DRD3: variants seen among roughly 807,000 people sequenced by gnomAD.
The protein encoded by DRD3 is dopamine receptor D3.
Under a neutral mutation model 36.3 loss-of-function variants are expected in DRD3, and 19 were observed. The ratio of observed to expected loss-of-function variants is 0.52; its 90% CI spans 0.36 to 0.77. The LOEUF is 0.77. Ranked by LOEUF, DRD3 falls within the 30% of genes least tolerant of loss-of-function variation. DRD3 has a pLI of 0.00. For missense variants in DRD3, 465 were observed against 505.3 expected, an observed-to-expected ratio of 0.92 and a Z score of 0.77; for synonymous variants, 195 against 203.7, an observed-to-expected ratio of 0.96 and a Z score of 0.36.
intron 6 of DRD3, among the ~76,000 whole-genome samples, chr3:114,130,576 C>G (rs769799408): frequency 2.0e-5 from 3 of 152,020 alleles, no homozygotes; most frequent in Admixed American, 6.5e-5. Context: ...AGGCGCCCAC[C>G]ACCACGCCTG....
chr3:114,180,889 G>T (rs1202875635), upstream of DRD3, among the ~76,000 whole-genome samples: 2 of 152,152 alleles, frequency 1.3e-5, no homozygotes, highest in Non-Finnish European at 1.5e-5. Context: ...GTAATGTCAG[G>T]CTGTTATGTG....
At chr3:114,193,181 A>C (rs2078020613) in intron 1 of DRD3, among the ~76,000 whole-genome samples, 1 of 152,088 alleles carries the variant, frequency 6.6e-6, no homozygotes, top group Admixed American at 6.5e-5. Context: ...TGGGAGGCTG[A>C]GGCAGGAGAA....
intron 2 of DRD3, among the ~76,000 whole-genome samples, chr3:114,165,243 T>C (rs572133089): frequency 3.6e-4 from 55 of 152,260 alleles, no homozygotes; most frequent in Non-Finnish European, 6.6e-4. Flanking sequence ...TTTCAAGATG[T>C]CCGCAACAAT....
chr3:114,157,230 T>C (rs911027860), intron 3 of DRD3, among the ~76,000 whole-genome samples: 1 of 151,876 alleles, frequency 6.6e-6, no homozygotes, highest in Non-Finnish European at 1.5e-5. Context: ...ATTTTTGCAT[T>C]TTTAGTAGAG....
intron 2 of DRD3, among the ~76,000 whole-genome samples, chr3:114,166,537 G>C (rs2077786614): frequency 6.6e-6 from 1 of 152,124 alleles, no homozygotes; most frequent in Non-Finnish European, 1.5e-5. Context: ...TTCCACCATG[G>C]GATGACAGCA....
intron 1 of DRD3, among the ~76,000 whole-genome samples, chr3:114,193,187 G>A (rs2078020624): frequency 6.6e-6 from 1 of 152,160 alleles, no homozygotes; most frequent in African/African-American, 2.4e-5. Context: ...GCTGAGGCAG[G>A]AGAATGGCCT....
intron 4 of DRD3, among the ~76,000 whole-genome samples, chr3:114,142,339 T>A (rs1026942787): frequency 6.6e-6 from 1 of 152,212 alleles, no homozygotes; most frequent in African/African-American, 2.4e-5. Flanking sequence ...GGGGTGGCAC[T>A]GCCCATCTTG....
chr3:114,191,574 G>A (rs1422956859), intron 1 of DRD3, among the ~76,000 whole-genome samples: 2 of 152,202 alleles, frequency 1.3e-5, no homozygotes, highest in African/African-American at 4.8e-5. Flanking sequence ...GAGAAATGAT[G>A]TATTTGATAT....
At chr3:114,183,130 A>G (rs1443368500), upstream of DRD3, among the ~76,000 whole-genome samples, 3 of 152,216 alleles carry the variant, frequency 2.0e-5, no homozygotes, top group Admixed American at 6.5e-5. Context: ...GAGTGTTCCA[A>G]TATCTTCACA....
rs746297338 is a variant in DRD3 at position 114,147,431 on chromosome 3, A to T, written c.510T>A (p.Phe170Leu). Residue 170 changes from phenylalanine (F) to leucine (L), a missense_variant, in exon 4 of 7, where the codon TTT (phenylalanine) becomes TTA (leucine). By Grantham distance (22) the Phe-to-Leu change is conservative. Transcript: ENST00000383673. ...LAFAVSCPLL[F>L]GFNTTGDPTV... ...CACTGTTACCTGTGGTATTAAAGCCAAACAGAAGAGGGCAGGACACAGCAA... is the reference window on the plus strand; with the variant it reads ...CACTGTTACCTGTGGTATTAAAGCCTAACAGAAGAGGGCAGGACACAGCAA... The T allele has an allele frequency of 1.9e-6, 3 of 1,613,616 alleles. No individual in the cohort carries two copies. The South Asian group carries it at 3.3e-5, about 18-fold the overall frequency.
At chr3:114,139,354 C>T (rs2134655) in intron 5 of DRD3, 146 bp downstream of exon 5, 190,181 of 760,540 alleles carry the variant, frequency 0.25, 25,568 homozygotes, top group Middle Eastern at 0.32. Context: ...ACCTTCAAAG[C>T]GCAGCCAAAA....
At chr3:114,180,649 C>A (rs1288400666), upstream of DRD3, among the ~76,000 whole-genome samples, 1 of 152,088 alleles carries the variant, frequency 6.6e-6, no homozygotes, top group African/African-American at 2.4e-5. Context: ...GTTATGGCAT[C>A]CCTAGCAAAC....
At chr3:114,162,792 G>T (rs1223629966) in intron 2 of DRD3, among the ~76,000 whole-genome samples, 1 of 152,132 alleles carries the variant, frequency 6.6e-6, no homozygotes, top group Non-Finnish European at 1.5e-5. Flanking sequence ...GTTGGAAAAG[G>T]GATGGAAGTG....
intron 3 of DRD3, among the ~76,000 whole-genome samples, chr3:114,151,765 G>A (rs2077620036): frequency 6.6e-6 from 1 of 152,208 alleles, no homozygotes; most frequent in African/African-American, 2.4e-5. Flanking sequence ...TTGTGGCAGA[G>A]CCATGTCTCC....
chr3:114,165,511 T>C (rs770883744), intron 2 of DRD3, among the ~76,000 whole-genome samples: 1 of 152,210 alleles, frequency 6.6e-6, no homozygotes, highest in Non-Finnish European at 1.5e-5. Context: ...TTTCTTCTGC[T>C]GTGGGTTGAT....
rs189371818 is a variant in DRD3, at chr3:114,147,903, T to G, written c.384-346A>C. ...AGTCTCTGGCCTCAGCCTCCCAAAGTGTTGGGATTACAGGCGTGAGCCACC... is the reference window on the plus strand; with the variant it reads ...AGTCTCTGGCCTCAGCCTCCCAAAGGGTTGGGATTACAGGCGTGAGCCACC... On this transcript the variant is annotated intron_variant, in intron 3 of 6. Transcript: ENST00000383673. Among the ~76,000 whole-genome samples, 700 of 152,260 alleles carry G rather than the reference T, an allele frequency of 4.6e-3. 3 individuals carry two copies. The highest frequency in any genetic ancestry group is 7.5e-3 in the Non-Finnish European group (512 of 68,016).
intron 5 of DRD3, among the ~76,000 whole-genome samples, chr3:114,136,079 G>C (rs539686050): frequency 6.6e-6 from 1 of 152,158 alleles, no homozygotes; most frequent in African/African-American, 2.4e-5. Context: ...CTAAAACTAG[G>C]GGATGGGAAA....
Position 114,127,974 on chromosome 3 carries a change from C to T in DRD3, c.*742G>A, listed in dbSNP as rs78591315. 0.011 allele frequency among the ~76,000 whole-genome samples: 1,658 copies of T among 152,316 alleles called. 17 individuals are homozygous for T. Among genetic ancestry groups the T allele is most frequent in the South Asian group, 0.022 (108 of 4,826 alleles). On this transcript the variant is annotated 3_prime_UTR_variant, in exon 7 of 7. Coordinates refer to ENST00000383673, the MANE Select transcript of DRD3 (RefSeq NM_000796.6). ...GAAACTACAATGGGATGTGTCATTCCGTCTTCAGAAAATATCCCCATCTTG... is the reference window on the plus strand; with the variant it reads ...GAAACTACAATGGGATGTGTCATTCTGTCTTCAGAAAATATCCCCATCTTG...
chr3:114,164,704 C>T (rs556221183), intron 2 of DRD3, among the ~76,000 whole-genome samples: 13 of 152,290 alleles, frequency 8.5e-5, no homozygotes, highest in African/African-American at 2.9e-4. Context: ...CTGTGGATTT[C>T]GTTAGCTTCA....
Sources: allele counts gnomAD v4.1 joint callset (sites outside exome capture counted in the v4.1 genomes callset), GRCh38; gene constraint gnomAD v4.1.1; transcripts MANE v1.5; gene names NCBI Gene and HGNC (gene_info 2026-07-23, HGNC 2026-07-21).